TCEANC2: variants seen among roughly 807,000 people sequenced by gnomAD.
TCEANC2 encodes the protein transcription elongation factor A N-terminal and central domain-containing protein 2.
TCEANC2 carries 20 observed loss-of-function variants against 22.8 expected under a neutral mutation model. That is an observed-to-expected ratio of 0.88 (90% confidence interval 0.62 to 1.28). The LOEUF (loss-of-function observed/expected upper bound fraction) is 1.28, where lower values mean the gene tolerates loss of function less well. TCEANC2 is among the 50% of genes most tolerant of loss of function. The probability of loss-of-function intolerance (pLI) is 0.00; values close to 1 mark genes in which losing one functional copy is unlikely to be tolerated. For missense variants in TCEANC2, 251 were observed against 249.7 expected (o/e 1.01, Z -0.03); for synonymous variants, 84 against 95.5 (o/e 0.88, Z 0.70).
intron 3 of TCEANC2, among the ~76,000 whole-genome samples, chr1:54,085,476 C>T (rs1481301481): frequency 6.6e-6 from 1 of 152,048 alleles, no homozygotes; most frequent in African/African-American, 2.4e-5. Flanking sequence ...TGTTTGCGAC[C>T]TTCATTTTTT....
chr1:54,109,240 G>A (rs1036316827), downstream of TCEANC2, among the ~76,000 whole-genome samples: 31 of 152,328 alleles, frequency 2.0e-4, no homozygotes, highest in African/African-American at 7.2e-4. Context: ...GAGTTTTAGA[G>A]GAGTTTCCCA....
At chr1:54,110,994 A>G (rs1658830619), downstream of TCEANC2, 1 of 152,236 alleles carries the variant, frequency 6.6e-6, no homozygotes, top group South Asian at 2.1e-4. Context: ...TAAAACGATC[A>G]GAAGTTACCA....
In TCEANC2 at chr1:54,077,931, A is replaced by C. The variant is rs1012257691; in HGVS notation, c.244+9034A>C. 2.6e-5 allele frequency among the ~76,000 whole-genome samples: 4 copies of C among 152,132 alleles called. No individual in the cohort carries two copies. In the South Asian group the frequency reaches 8.3e-4, roughly 32 times the overall value. ...TTTAGATTAGCTGGAGAGCTTGTCC[A>C]TGTCTCCAGCTTAACTGAGGCCTTA... On this transcript the variant is annotated intron_variant, in intron 3 of 4. Transcript: ENST00000234827.
downstream of TCEANC2, among the ~76,000 whole-genome samples, chr1:54,109,351 A>C (rs1424127440): frequency 6.6e-6 from 1 of 152,210 alleles, no homozygotes; most frequent in East Asian, 1.9e-4. Flanking sequence ...ATGGAGCCAA[A>C]GTGCAGCAGG....
At chr1:54,070,337 A>T (rs6674224) in intron 3 of TCEANC2, among the ~76,000 whole-genome samples, 23,327 of 152,148 alleles carry the variant, frequency 0.15, 2,251 homozygotes, top group East Asian at 0.22. Flanking sequence ...ATATGTGTAC[A>T]TATGTATATG....
Position 54,106,017 on chromosome 1 carries a change from G to A in TCEANC2, c.*9544G>A, listed in dbSNP as rs970118953. ...TCAGCTCTGCTATTGTAATACAAAA[G>A]CAGCTGTGGACAGTATGTAAATGAA... On this transcript the variant is annotated 3_prime_UTR_variant, in exon 5 of 5. Coordinates refer to ENST00000234827, the MANE Select transcript of TCEANC2 (RefSeq NM_153035.3). 4 of 152,192 alleles carry A rather than the reference G, an allele frequency of 2.6e-5. No homozygotes were observed. The highest frequency in any genetic ancestry group is 7.2e-5 in the African/African-American group (3 of 41,434). 9.4% of individuals were successfully genotyped at this position (152,192 alleles called of 1,614,324 possible).
intron 2 of TCEANC2, among the ~76,000 whole-genome samples, chr1:54,059,152 CTT>C (rs201301611): frequency 9.9e-5 from 13 of 130,678 alleles, no homozygotes; most frequent in Non-Finnish European, 1.0e-4. Context: ...CTTGAGTTTT[CTT>C]TTTTTTTTTT....
chr1:54,065,665 A>G (rs1365332075), intron 2 of TCEANC2, among the ~76,000 whole-genome samples: 1 of 152,030 alleles, frequency 6.6e-6, no homozygotes, highest in East Asian at 1.9e-4. Context: ...CTGCAGTGTG[A>G]TCTCACCACT....
At chr1:54,057,993 C>T (rs1296859611) in intron 2 of TCEANC2, among the ~76,000 whole-genome samples, 1 of 152,208 alleles carries the variant, frequency 6.6e-6, no homozygotes, top group Non-Finnish European at 1.5e-5. Flanking sequence ...AGCCAGACTG[C>T]CTTACTAAAA....
At chr1:54,064,692 C>CTTT (rs67486092) in intron 2 of TCEANC2, among the ~76,000 whole-genome samples, 28 of 93,666 alleles carry the variant, frequency 3.0e-4, no homozygotes, top group African/African-American at 1.0e-3. Context: ...TGCATTTTTC[C>CTTT]TTTTTTTTTT....
chr1:54,106,695 A>G (rs1190181310), downstream of TCEANC2, among the ~76,000 whole-genome samples: 5 of 152,120 alleles, frequency 3.3e-5, no homozygotes, highest in African/African-American at 2.4e-5. Flanking sequence ...CTGCAGTACC[A>G]TATGTACACT....
intron 3 of TCEANC2, among the ~76,000 whole-genome samples, chr1:54,082,813 A>G (rs997407090): frequency 2.0e-5 from 3 of 152,228 alleles, no homozygotes; most frequent in Admixed American, 1.3e-4. Context: ...TTTGAGGGCC[A>G]TGGAGAACCA....
downstream of TCEANC2, among the ~76,000 whole-genome samples, chr1:54,110,044 C>G (rs1658816727): frequency 6.6e-6 from 1 of 152,128 alleles, no homozygotes; most frequent in South Asian, 2.1e-4. Flanking sequence ...AGAGGGGAAT[C>G]AAAATCATCA....
chr1:54,069,795 C>G (rs1658024108), intron 3 of TCEANC2, among the ~76,000 whole-genome samples: 1 of 152,116 alleles, frequency 6.6e-6, no homozygotes, highest in Non-Finnish European at 1.5e-5. Context: ...TCAGTTACAT[C>G]TTGATATTAT....
At chr1:54,065,108 AG>A (rs1465875069) in intron 2 of TCEANC2, among the ~76,000 whole-genome samples, 2 of 152,218 alleles carry the variant, frequency 1.3e-5, no homozygotes, top group African/African-American at 4.8e-5. Context: ...CCATAAGATA[AG>A]AACAGAATAG....
intron 4 of TCEANC2, among the ~76,000 whole-genome samples, chr1:54,095,517 C>G (rs1431686934): frequency 6.6e-6 from 1 of 152,136 alleles, no homozygotes; most frequent in African/African-American, 2.4e-5. Context: ...AGACAAAGTT[C>G]CAGATCTCTC....
At position 54,068,873 on chromosome 1, in the gene TCEANC2, G is replaced by A; in HGVS notation, c.220G>A (p.Glu74Lys). Residue 74 changes from glutamate (E) to lysine (K), a missense_variant, in exon 3 of 5, where the codon GAA becomes AAA. Transcript: ENST00000234827. ...ATTAAAGAAGAAAATACCCTCCAGG[G>A]AAGTGTTAAAATCAACAAGGATAGG... ...QELKKKIPSR[E>K]VLKSTRIGHT... The A allele has an allele frequency of 1.2e-6, 2 of 1,600,180 alleles. No individual in the cohort carries two copies. Among genetic ancestry groups the A allele is most frequent in the African/African-American group, 1.4e-5 (1 of 73,968 alleles).
chr1:54,093,935 G>C (rs557635145), intron 4 of TCEANC2, among the ~76,000 whole-genome samples: 1 of 152,230 alleles, frequency 6.6e-6, no homozygotes, highest in South Asian at 2.1e-4. Flanking sequence ...AAATGCTGCA[G>C]GACAAATGCT....
chr1:54,058,844 A>G (rs1397134595), intron 2 of TCEANC2, among the ~76,000 whole-genome samples: 1 of 152,012 alleles, frequency 6.6e-6, no homozygotes, highest in Non-Finnish European at 1.5e-5. Context: ...TTTAGTAGAG[A>G]CGGGGTTTCA....
Sources: gnomAD v4.1 joint callset for allele counts (sites outside exome capture counted in the v4.1 genomes callset) on GRCh38, gnomAD v4.1.1 for gene constraint, MANE v1.5 for transcripts, NCBI Gene and HGNC (gene_info 2026-07-23, HGNC 2026-07-21) for gene names.